Variants in DHRSX observed in about 807,000 individuals in gnomAD.
DHRSX encodes polyprenol dehydrogenase.
A neutral mutation model predicts 34.0 loss-of-function variants in DHRSX; 31 were observed. The observed-to-expected ratio is 0.91, with a 90% confidence interval of 0.69 to 1.23. The LOEUF (loss-of-function observed/expected upper bound fraction) is 1.23, where lower values mean the gene tolerates loss of function less well. DHRSX is among the 50% of genes most tolerant of loss of function. The pLI is 0.00. For missense variants in DHRSX, 414 were observed against 428.1 expected (o/e 0.97, Z 0.29); for synonymous variants, 201 against 183.8 (o/e 1.09, Z -0.76).
chrX:2,407,122 G>T (rs1367597982), intron 3 of DHRSX, among the ~76,000 whole-genome samples: 11 of 152,210 alleles, frequency 7.2e-5, no homozygotes, highest in Admixed American at 6.6e-4. Context: ...CAGCAACACA[G>T]ATGGAACTGG....
intron 5 of DHRSX, among the ~76,000 whole-genome samples, chrX:2,264,133 T>A (rs1201964457): frequency 6.6e-6 from 1 of 152,214 alleles, no homozygotes; most frequent in Non-Finnish European, 1.5e-5. Flanking sequence ...AGCAAATGGC[T>A]GGGGATGTAC....
chrX:2,465,978 A>G (rs2044489134), intron 1 of DHRSX, among the ~76,000 whole-genome samples: 1 of 152,238 alleles, frequency 6.6e-6, no homozygotes, highest in Non-Finnish European at 1.5e-5. Context: ...AGTTTCCCAG[A>G]AAGGCAAACG....
intron 2 of DHRSX, among the ~76,000 whole-genome samples, chrX:2,422,099 G>A (rs1451171960): frequency 1.3e-5 from 2 of 152,124 alleles, no homozygotes; most frequent in Non-Finnish European, 2.9e-5. Flanking sequence ...GTCTGTCCTG[G>A]ACAGAGCTCC....
intron 3 of DHRSX, among the ~76,000 whole-genome samples, chrX:2,354,413 T>TCATGGACAG (rs2042824070): frequency 6.6e-6 from 1 of 151,986 alleles, no homozygotes; most frequent in Admixed American, 6.6e-5. Flanking sequence ...CAGACAGGGG[T>TCATGGACAG]CATGGACAGC....
chrX:2,274,578 G>A (rs1224194706), intron 4 of DHRSX, among the ~76,000 whole-genome samples: 6 of 149,112 alleles, frequency 4.0e-5, no homozygotes, highest in South Asian at 4.2e-4. Flanking sequence ...CACAACACCC[G>A]GCTAAACTTT....
Position 2,259,795 on chromosome X carries a change from A to C in DHRSX, c.596+6945T>G, listed in dbSNP as rs1195954632. ...AGTCTCTGCCTCCGTCTCCACGTGGACTTCTCCTCTGTGTCTGTGTCTCCT... is the reference window on the plus strand; with the variant it reads ...AGTCTCTGCCTCCGTCTCCACGTGGCCTTCTCCTCTGTGTCTGTGTCTCCT... On this transcript the variant is annotated intron_variant, in intron 5 of 6. Transcript: ENST00000334651. 2.6e-3 allele frequency among the ~76,000 whole-genome samples: 352 copies of C among 133,328 alleles called. No individual in the cohort carries two copies. In the Middle Eastern group the frequency reaches 0.034, roughly 13 times the overall value. 87.5% of individuals were successfully genotyped at this position (133,328 alleles called of 152,430 possible).
chrX:2,331,434 T>TG (rs1356425921), intron 3 of DHRSX, among the ~76,000 whole-genome samples: 2,901 of 122,776 alleles, frequency 0.024, 77 homozygotes, highest in African/African-American at 0.057. Context: ...GAAGGTTTTT[T>TG]GGTTTTTTTT....
intron 1 of DHRSX, among the ~76,000 whole-genome samples, chrX:2,493,083 G>A (rs1251248050): frequency 6.6e-6 from 1 of 152,218 alleles, no homozygotes; most frequent in Non-Finnish European, 1.5e-5. Flanking sequence ...CAAGACTGGG[G>A]TGCAAGGAGG....
intron 1 of DHRSX, among the ~76,000 whole-genome samples, chrX:2,457,277 T>A (rs2044312313): frequency 6.6e-6 from 1 of 151,414 alleles, no homozygotes; most frequent in African/African-American, 2.4e-5. Flanking sequence ...CTGAAGACGT[T>A]CCCTAAGAAT....
rs761524665 is a variant in DHRSX at position 2,466,638 on chromosome X, AGGGT to A, written c.109+34175_109+34178del. 2.9e-3 allele frequency among the ~76,000 whole-genome samples: 443 copies of A among 152,204 alleles called. 2 individuals are homozygous for A. Among genetic ancestry groups the A allele is most frequent in the African/African-American group, 9.7e-3 (404 of 41,528 alleles). Reference sequence around the variant, plus strand: ...GCTGCAGGGGCATGCTGGAGGGTGGAGGGTGGGAGAAATGAGAGGATCGAAAAAC... The same window carrying A: ...GCTGCAGGGGCATGCTGGAGGGTGGAGGGAGAAATGAGAGGATCGAAAAAC... On this transcript the variant is annotated intron_variant, in intron 1 of 6. Transcript: ENST00000334651.
rs1407638475 is a variant in DHRSX, at chrX:2,310,999, T to G, written c.287-19396A>C. Among the ~76,000 whole-genome samples the G allele has an allele frequency of 2.7e-5, 4 of 150,260 alleles. No homozygotes were observed. The East Asian group carries it at 7.8e-4, about 29-fold the overall frequency. The stretch of plus-strand genomic sequence containing the variant: ...TCGCTTGAATCCGGGAGGCGGAGGT[T>G]GTAGTGAGCCGAGATCACTCCATTG... On this transcript the variant is annotated intron_variant, in intron 3 of 6. Transcript: ENST00000334651.
chrX:2,286,900 C>G (rs994591766), intron 4 of DHRSX, among the ~76,000 whole-genome samples: 2 of 152,184 alleles, frequency 1.3e-5, no homozygotes, highest in African/African-American at 4.8e-5. Flanking sequence ...CAAATGGATT[C>G]TCATTATCAC....
At chrX:2,241,768 C>T (rs1418244894) in intron 6 of DHRSX, among the ~76,000 whole-genome samples, 3 of 152,038 alleles carry the variant, frequency 2.0e-5, no homozygotes, top group East Asian at 1.9e-4. Context: ...ATTAGCCAGG[C>T]GTGGTGTCAC....
At chrX:2,236,500 C>T (rs2016018781) in intron 6 of DHRSX, among the ~76,000 whole-genome samples, 1 of 152,106 alleles carries the variant, frequency 6.6e-6, no homozygotes, top group African/African-American at 2.4e-5. Flanking sequence ...GGCGCGATCT[C>T]GGCTCACTGC....
intron 1 of DHRSX, among the ~76,000 whole-genome samples, chrX:2,437,694 AGAGAGTGTGTGTGTGTGT>A (rs1256470547): frequency 1.3e-3 from 93 of 69,300 alleles, no homozygotes; most frequent in African/African-American, 6.3e-3. Flanking sequence ...AGAGAGAGAG[AGAGAGTGTGTGTGTGTGT>A]GTGTGTGTGT....
intron 1 of DHRSX, chrX:2,489,153 C>G: frequency 6.2e-7 from 1 of 1,613,614 alleles, no homozygotes; most frequent in Non-Finnish European, 8.5e-7. Context: ...TCCTCGGGCA[C>G]CGGGAAGATC....
chrX:2,490,392 G>A (rs375659502), intron 1 of DHRSX: 2 of 1,613,754 alleles, frequency 1.2e-6, no homozygotes, highest in African/African-American at 1.3e-5. Flanking sequence ...TTGACGGCCA[G>A]CGCGTCCTGC....
chrX:2,336,024 G>A (rs1361359660), intron 3 of DHRSX, among the ~76,000 whole-genome samples: 1 of 151,676 alleles, frequency 6.6e-6, no homozygotes, highest in African/African-American at 2.4e-5. Context: ...TTTTTTTGTT[G>A]TCGTTGAGAC....
intron 6 of DHRSX, among the ~76,000 whole-genome samples, chrX:2,224,066 T>C (rs752826072): frequency 7.8e-4 from 119 of 152,366 alleles, no homozygotes; most frequent in African/African-American, 2.6e-3. Flanking sequence ...CACTGTGTTA[T>C]ATTTAGTGCT....
Sources: gnomAD v4.1 joint callset for allele counts (sites outside exome capture counted in the v4.1 genomes callset) on GRCh38, gnomAD v4.1.1 for gene constraint, MANE v1.5 for transcripts, NCBI Gene and HGNC (gene_info 2026-07-23, HGNC 2026-07-21) for gene names.